The following DNAH5 variants were observed in gnomAD, a reference collection of about 807,000 sequenced individuals.
The protein encoded by DNAH5 is axonemal beta dynein heavy chain 5.
Under a neutral mutation model 518.2 loss-of-function variants are expected in DNAH5, and 372 were observed. That is an observed-to-expected ratio of 0.72 (90% CI 0.66 to 0.78). DNAH5 has a LOEUF of 0.78. Among genes scored for constraint, DNAH5 ranks in the 30% least tolerant of loss-of-function variants. DNAH5 has a pLI of 0.00. For missense variants in DNAH5, 5,523 were observed against 5,687.0 expected (o/e 0.97, Z 0.93); for synonymous variants, 2,039 against 2,025.9 (o/e 1.01, Z -0.17).
upstream of DNAH5, among the ~76,000 whole-genome samples, chr5:13,945,118 T>C (rs1005957481): frequency 6.6e-6 from 1 of 152,244 alleles, no homozygotes; most frequent in Admixed American, 6.5e-5. Flanking sequence ...CATAAATTAC[T>C]TGTGCTCACA....
intron 78 of DNAH5, among the ~76,000 whole-genome samples, chr5:13,694,317 C>T (rs549170769): frequency 6.6e-6 from 1 of 152,194 alleles, no homozygotes; most frequent in African/African-American, 2.4e-5. Flanking sequence ...CAAGTCACAG[C>T]GTGCAGCAAA....
intron 52 of DNAH5, among the ~76,000 whole-genome samples, chr5:13,785,067 T>A (rs1010929258): frequency 3.9e-5 from 6 of 152,078 alleles, no homozygotes; most frequent in African/African-American, 1.4e-4. Flanking sequence ...CATTGTAATA[T>A]ACTATGAAAT....
intron 58 of DNAH5, 100 bp from the exon 59 acceptor site, chr5:13,766,279 A>T: frequency 7.4e-7 from 1 of 1,357,616 alleles, no homozygotes; most frequent in Non-Finnish European, 1.1e-6. Flanking sequence ...AGGACAGAAA[A>T]CTGTTTTAAG....
At chr5:13,922,028 A>G in intron 5 of DNAH5, 79 bp downstream of exon 5, 1 of 1,451,532 alleles carries the variant, frequency 6.9e-7, no homozygotes, top group South Asian at 1.2e-5. Context: ...AAGACCATCT[A>G]AGAGAAGCAT....
intron 15 of DNAH5, among the ~76,000 whole-genome samples, chr5:13,895,539 T>A (rs1773801073): frequency 6.6e-6 from 1 of 152,146 alleles, no homozygotes; most frequent in Non-Finnish European, 1.5e-5. Flanking sequence ...ACTACACCCA[T>A]CACCCAAAAC....
At chr5:13,719,228 G>A in intron 71 of DNAH5, 127 bp from the exon 72 acceptor site, 1 of 821,872 alleles carries the variant, frequency 1.2e-6, no homozygotes, top group South Asian at 1.5e-5. Flanking sequence ...AATTAATCCA[G>A]GTCAAATCTA....
intron 1 of DNAH5, among the ~76,000 whole-genome samples, chr5:13,933,460 T>G (rs1778616075): frequency 6.6e-6 from 1 of 152,076 alleles, no homozygotes; most frequent in South Asian, 2.1e-4. Flanking sequence ...ACCACCAGTA[T>G]CCCAGGAGCA....
At chr5:13,935,575 G>A (rs1778849522) in intron 1 of DNAH5, among the ~76,000 whole-genome samples, 1 of 152,170 alleles carries the variant, frequency 6.6e-6, no homozygotes, top group African/African-American at 2.4e-5. Context: ...TCATATAGAT[G>A]AAATGCCACA....
At chr5:13,841,518 C>G (rs1033926766) in intron 33 of DNAH5, among the ~76,000 whole-genome samples, 174 bp downstream of exon 33, 1 of 151,974 alleles carries the variant, frequency 6.6e-6, no homozygotes, top group Non-Finnish European at 1.5e-5. Context: ...GATATATGAC[C>G]ATATAATCTG....
chr5:13,882,566 TA>T (rs1194962002), intron 21 of DNAH5, among the ~76,000 whole-genome samples, 161 bp downstream of exon 21: 4 of 152,178 alleles, frequency 2.6e-5, no homozygotes, highest in African/African-American at 4.8e-5. Flanking sequence ...ATGGTGATAT[TA>T]AAATACGTGG....
At chr5:13,844,598 T>C (rs1287956729) in intron 32 of DNAH5, among the ~76,000 whole-genome samples, 3 of 150,302 alleles carry the variant, frequency 2.0e-5, no homozygotes, top group African/African-American at 7.4e-5. Flanking sequence ...GAATGCTACA[T>C]AAATGCCTTC....
chr5:13,692,584 T>G (rs1489435599), intron 78 of DNAH5, among the ~76,000 whole-genome samples: 1 of 152,176 alleles, frequency 6.6e-6, no homozygotes, highest in Non-Finnish European at 1.5e-5. Context: ...TACATCACAT[T>G]TTAAATCCCA....
intron 1 of DNAH5, among the ~76,000 whole-genome samples, chr5:13,936,468 C>T (rs1346155903): frequency 1.5e-5 from 2 of 129,560 alleles, no homozygotes; most frequent in Non-Finnish European, 3.2e-5. Context: ...AGTCTGCATG[C>T]TTATATACAC....
chr5:13,730,832 C>T (rs914249858), intron 68 of DNAH5, among the ~76,000 whole-genome samples: 1 of 151,826 alleles, frequency 6.6e-6, no homozygotes, highest in Middle Eastern at 3.4e-3. Context: ...TCGTGAGTAG[C>T]GGGGATTACA....
intron 15 of DNAH5, chr5:13,898,817 A>G (rs746306504): frequency 7.7e-6 from 3 of 390,638 alleles, no homozygotes; most frequent in Non-Finnish European, 1.4e-5. Flanking sequence ...GTCAGATTCC[A>G]TGGCCGCATC....
intron 66 of DNAH5, among the ~76,000 whole-genome samples, chr5:13,736,242 G>A (rs1042449732): frequency 6.6e-6 from 1 of 152,104 alleles, no homozygotes; most frequent in Non-Finnish European, 1.5e-5. Flanking sequence ...CAAAGGTTGT[G>A]TTAGTTTAAC....
intron 50 of DNAH5, 57 bp from the exon 51 acceptor site, chr5:13,788,971 T>A: frequency 1.3e-6 from 2 of 1,518,728 alleles, no homozygotes; most frequent in Middle Eastern, 1.7e-4. Flanking sequence ...TAATTGGGAA[T>A]TCAGGTTGAC....
chr5:13,847,233 C>T (rs1177737916), intron 31 of DNAH5, among the ~76,000 whole-genome samples: 1 of 151,892 alleles, frequency 6.6e-6, no homozygotes, highest in African/African-American at 2.4e-5. Context: ...TATGATTTCT[C>T]AAATGTCTAT....
Position 13,876,793 on chromosome 5 carries a change from T to G in DNAH5, c.3287A>C (p.Asn1096Thr), listed in dbSNP as rs775880713. ...LQDTLEIASV[N>T]LPIPVQTKNY... is the part of the protein sequence containing the mutation. ...CTTGGTTTGCACGGGAATGGGTAAA[T>G]TTACAGATGCTATCTCCAAGGTATC... Residue 1096 changes from asparagine to threonine, a missense_variant, in exon 22 of 79, where the codon AAT (asparagine) becomes ACT (threonine). Physicochemically the swap from Asn to Thr is moderately conservative, Grantham distance 65. Coordinates refer to ENST00000265104, the MANE Select transcript of DNAH5 (RefSeq NM_001369.3). The G allele has an allele frequency of 3.1e-6, 5 of 1,613,668 alleles. No individual in the cohort carries two copies. The South Asian group carries it at 5.5e-5, about 18-fold the overall frequency.
Sources: allele counts gnomAD v4.1 joint callset (sites outside exome capture counted in the v4.1 genomes callset), GRCh38; gene constraint gnomAD v4.1.1; transcripts MANE v1.5; gene names NCBI Gene and HGNC (gene_info 2026-07-23, HGNC 2026-07-21).